The following TNIK variants were observed in gnomAD, a reference collection of about 807,000 sequenced individuals.
TNIK encodes the protein TRAF2 and NCK-interacting protein kinase.
Under a neutral mutation model 191.3 loss-of-function variants are expected in TNIK, and 49 were observed. The ratio of observed to expected loss-of-function variants is 0.26; its 90% CI spans 0.20 to 0.32. The LOEUF (loss-of-function observed/expected upper bound fraction) is 0.32. Among genes scored for constraint, TNIK ranks in the 10% least tolerant of loss-of-function variants. The pLI is 1.00. For missense variants in TNIK, 1,155 were observed against 1,702.3 expected, an observed-to-expected ratio of 0.68 and a Z score of 5.66; for synonymous variants, 594 against 600.9, an observed-to-expected ratio of 0.99 and a Z score of 0.17.
intron 22 of TNIK, among the ~76,000 whole-genome samples, chr3:171,096,729 A>G (rs1181020222): frequency 1.3e-5 from 2 of 152,128 alleles, no homozygotes; most frequent in East Asian, 3.9e-4. Context: ...CATTCAATAC[A>G]CAGTCCTGCA....
intron 2 of TNIK, among the ~76,000 whole-genome samples, chr3:171,283,629 C>A (rs1268279369): frequency 6.6e-6 from 1 of 152,186 alleles, no homozygotes; most frequent in African/African-American, 2.4e-5. Context: ...TTCCATGTAG[C>A]CTGGAAGAAA....
rs187011956 is a variant in TNIK, at chr3:171,233,774, A to G, written c.124-5553T>C. Among the ~76,000 whole-genome samples, 15 of 152,290 alleles carry G rather than the reference A, an allele frequency of 9.8e-5. No homozygotes were observed. The East Asian group carries it at 2.7e-3, about 27-fold the overall frequency. On this transcript the variant is annotated intron_variant, in intron 2 of 32. Transcript: ENST00000436636. Reference sequence around the variant, plus strand: ...AGGCACTCAGCAAATATTTGCTGAAAAACAGACTGAATGAAGGCATGAAAT... The same window carrying G: ...AGGCACTCAGCAAATATTTGCTGAAGAACAGACTGAATGAAGGCATGAAAT...
intron 4 of TNIK, among the ~76,000 whole-genome samples, chr3:171,200,756 T>C (rs1306640785): frequency 1.3e-5 from 2 of 152,240 alleles, no homozygotes; most frequent in Non-Finnish European, 2.9e-5. Flanking sequence ...AAAAGAATTT[T>C]AAAAGATTTA....
At chr3:171,181,775 G>A (rs1736674470) in intron 7 of TNIK, among the ~76,000 whole-genome samples, 1 of 152,212 alleles carries the variant, frequency 6.6e-6, no homozygotes, top group Non-Finnish European at 1.5e-5. Flanking sequence ...GAAGGTATCA[G>A]TGAAGCATCA....
At chr3:171,139,413 C>CACACACAA (rs1730491801) in intron 14 of TNIK, 57 bp downstream of exon 14, 1 of 1,503,008 alleles carries the variant, frequency 6.7e-7, no homozygotes, top group Non-Finnish European at 9.2e-7. Context: ...CACACACACA[C>CACACACAA]AAACACTTGC....
intron 12 of TNIK, among the ~76,000 whole-genome samples, chr3:171,155,688 C>T (rs1029866037): frequency 2.0e-5 from 3 of 152,226 alleles, no homozygotes; most frequent in Non-Finnish European, 4.4e-5. Flanking sequence ...TGACTGGGAG[C>T]GTGAGACAGA....
chr3:171,252,998 C>T lies in TNIK; in HGVS notation c.124-24777G>A, dbSNP rs559371832. Among the ~76,000 whole-genome samples the T allele has an allele frequency of 3.3e-4, 50 of 152,038 alleles. 1 individual carries two copies. The highest frequency in any genetic ancestry group is 3.1e-3 in the Admixed American group (47 of 15,272). On this transcript the variant is annotated intron_variant, in intron 2 of 32. Coordinates refer to ENST00000436636, the MANE Select transcript of TNIK (RefSeq NM_015028.4). Reference sequence around the variant, plus strand: ...GTCAACTTTAAGAAATAACTAGGGCCGGGCACAGTGGCTCGTGCCTGTAAT... The same window carrying T: ...GTCAACTTTAAGAAATAACTAGGGCTGGGCACAGTGGCTCGTGCCTGTAAT...
chr3:171,410,712 G>A (rs1722281772), intron 1 of TNIK, among the ~76,000 whole-genome samples: 1 of 149,554 alleles, frequency 6.7e-6, no homozygotes, highest in Admixed American at 6.7e-5. Flanking sequence ...CCGGGAGGTG[G>A]AGCTTGCAGT....
In TNIK at chr3:171,419,659, C is replaced by T. The variant is rs565871255; in HGVS notation, c.57+40348G>A. ...AACCTTGGGCCAGTCTCTGAACCTCCAGTTCCTTTACTCTGTGACGTGGGG... is the reference window on the plus strand; with the variant it reads ...AACCTTGGGCCAGTCTCTGAACCTCTAGTTCCTTTACTCTGTGACGTGGGG... On this transcript the variant is annotated intron_variant, in intron 1 of 32. Transcript: ENST00000436636. 5.3e-5 allele frequency among the ~76,000 whole-genome samples: 8 copies of T among 152,338 alleles called. No individual in the cohort carries two copies. The East Asian group carries it at 9.6e-4, about 18-fold the overall frequency.
chr3:171,111,325 G>A (rs1414736540), intron 18 of TNIK, among the ~76,000 whole-genome samples: 1 of 152,038 alleles, frequency 6.6e-6, no homozygotes, highest in Non-Finnish European at 1.5e-5. Context: ...TGAGGTGGGA[G>A]GGTCACTTGA....
intron 1 of TNIK, among the ~76,000 whole-genome samples, chr3:171,432,277 C>A (rs561714562): frequency 6.6e-6 from 1 of 151,956 alleles, no homozygotes; most frequent in Non-Finnish European, 1.5e-5. Context: ...TTTCAAAAGA[C>A]GGATACAAAA....
intron 18 of TNIK, among the ~76,000 whole-genome samples, chr3:171,121,011 T>TA (rs1727675511): frequency 6.6e-6 from 1 of 152,142 alleles, no homozygotes; most frequent in East Asian, 1.9e-4. Context: ...GCAAATGAAT[T>TA]AAAAACTGAT....
At chr3:171,200,369 G>T (rs1418694282) in intron 4 of TNIK, among the ~76,000 whole-genome samples, 1 of 151,830 alleles carries the variant, frequency 6.6e-6, no homozygotes, top group African/African-American at 2.4e-5. Flanking sequence ...TTAGAGAAAA[G>T]AATTGCTTGG....
chr3:171,429,965 T>C (rs919558833), intron 1 of TNIK, among the ~76,000 whole-genome samples: 8 of 152,138 alleles, frequency 5.3e-5, no homozygotes, highest in Admixed American at 5.2e-4. Context: ...AGCAGCAGCA[T>C]CATTTTGTTA....
At chr3:171,244,033 ATT>A (rs1745286341) in intron 2 of TNIK, among the ~76,000 whole-genome samples, 1 of 148,300 alleles carries the variant, frequency 6.7e-6, no homozygotes, top group African/African-American at 2.5e-5. Context: ...GAGGACTGCA[ATT>A]TTGTTTTTTT....
intron 2 of TNIK, among the ~76,000 whole-genome samples, chr3:171,343,494 T>C (rs1045843508): frequency 6.6e-6 from 1 of 152,192 alleles, no homozygotes; most frequent in Non-Finnish European, 1.5e-5. Flanking sequence ...AGTAATTAAA[T>C]GTGCCCAGGA....
At chr3:171,113,610 G>GA (rs558311545) in intron 18 of TNIK, among the ~76,000 whole-genome samples, 3,781 of 127,702 alleles carry the variant, frequency 0.03, 112 homozygotes, top group African/African-American at 0.067. Context: ...TGTCTGTCTC[G>GA]AAAAAAAAAA....
intron 10 of TNIK, among the ~76,000 whole-genome samples, chr3:171,162,119 G>C (rs975646703): frequency 6.6e-6 from 1 of 151,476 alleles, no homozygotes; most frequent in African/African-American, 2.4e-5. Flanking sequence ...TTGACAATAG[G>C]TGCTATTAAA....
At chr3:171,268,860 G>A (rs1419470974) in intron 2 of TNIK, among the ~76,000 whole-genome samples, 1 of 152,160 alleles carries the variant, frequency 6.6e-6, no homozygotes, top group African/African-American at 2.4e-5. Context: ...GCTCTGGGAA[G>A]TACTTCCATA....
Sources: allele counts gnomAD v4.1 joint callset (sites outside exome capture counted in the v4.1 genomes callset), GRCh38; gene constraint gnomAD v4.1.1; transcripts MANE v1.5; gene names NCBI Gene and HGNC (gene_info 2026-07-23, HGNC 2026-07-21).